KIZ: variants seen among roughly 807,000 people sequenced by gnomAD.
The protein encoded by KIZ is centrosomal protein kizuna.
Under a neutral mutation model 79.6 loss-of-function variants are expected in KIZ, and 68 were observed. The ratio of observed to expected loss-of-function variants is 0.85; its 90% confidence interval spans 0.70 to 1.05. The LOEUF (loss-of-function observed/expected upper bound fraction) is 1.05. Ranked by LOEUF, KIZ falls within the 50% of genes least tolerant of loss-of-function variation. The probability of loss-of-function intolerance (pLI) is 0.00; values close to 1 mark genes in which losing one functional copy is unlikely to be tolerated. For synonymous variants in KIZ, 280 were observed against 281.8 expected, an observed-to-expected ratio of 0.99 and a Z score of 0.06; for missense variants, 797 against 800.4, an observed-to-expected ratio of 1.00 and a Z score of 0.05.
chr20:21,218,007 C>T (rs2036364511), intron 9 of KIZ: 1 of 152,140 alleles, frequency 6.6e-6, no homozygotes, highest in Non-Finnish European at 1.5e-5. Flanking sequence ...TTGTGGTGGC[C>T]ACTTGGGACC....
At chr20:21,187,168 A>G (rs1213376822) in intron 6 of KIZ, among the ~76,000 whole-genome samples, 1 of 152,170 alleles carries the variant, frequency 6.6e-6, no homozygotes, top group Admixed American at 6.5e-5. Flanking sequence ...ATTCCCAACC[A>G]TTTCAGATAA....
intron 9 of KIZ, among the ~76,000 whole-genome samples, chr20:21,223,647 C>G (rs1243551327): frequency 6.6e-6 from 1 of 150,648 alleles, no homozygotes; most frequent in African/African-American, 2.4e-5. Context: ...GCAGCCATAT[C>G]CTATTTTCTC....
At chr20:21,140,971 A>G (rs1032251781) in intron 3 of KIZ, among the ~76,000 whole-genome samples, 2 of 152,106 alleles carry the variant, frequency 1.3e-5, no homozygotes, top group African/African-American at 4.8e-5. Context: ...GTGACACTGC[A>G]GTCTAGCCCT....
chr20:21,173,749 G>A (rs1600453107), intron 6 of KIZ, among the ~76,000 whole-genome samples: 2 of 152,116 alleles, frequency 1.3e-5, no homozygotes, highest in African/African-American at 4.8e-5. Context: ...AATCAAGACA[G>A]AAGTTTTGGG....
At chr20:21,214,894 T>G (rs2036224188) in intron 8 of KIZ, among the ~76,000 whole-genome samples, 194 bp downstream of exon 8, 2 of 152,220 alleles carry the variant, frequency 1.3e-5, no homozygotes, top group Admixed American at 1.3e-4. Flanking sequence ...ATGGGAAATC[T>G]AACTGTAAGT....
chr20:21,190,380 G>A (rs2035059473), intron 6 of KIZ, among the ~76,000 whole-genome samples: 1 of 152,224 alleles, frequency 6.6e-6, no homozygotes, highest in Non-Finnish European at 1.5e-5. Context: ...AAAAGGATTA[G>A]CGCTAGCCAA....
intron 10 of KIZ, among the ~76,000 whole-genome samples, chr20:21,229,749 A>G (rs2036776914): frequency 6.6e-6 from 1 of 151,470 alleles, no homozygotes; most frequent in African/African-American, 2.4e-5. Flanking sequence ...TAATTTTTGT[A>G]TTTTTTTGTA....
chr20:21,201,188 TAAC>T (rs1179375544), intron 6 of KIZ, among the ~76,000 whole-genome samples: 1 of 151,872 alleles, frequency 6.6e-6, no homozygotes, highest in Non-Finnish European at 1.5e-5. Flanking sequence ...CAAAAAAAAA[TAAC>T]AAAAAGTCAT....
chr20:21,141,817 ACACACACTCT>A (rs1238873442), intron 3 of KIZ, among the ~76,000 whole-genome samples: 110 of 139,552 alleles, frequency 7.9e-4, no homozygotes, highest in African/African-American at 2.8e-3. Flanking sequence ...ACACACACAC[ACACACACTCT>A]CTCTCTCTCT....
At chr20:21,245,056 A>G (rs1030053614) in intron 12 of KIZ, 2 of 152,294 alleles carry the variant, frequency 1.3e-5, no homozygotes, top group African/African-American at 2.4e-5. Context: ...ACTGTGGCAT[A>G]TCCCCTGCCC....
chr20:21,233,675 C>T (rs992826869), intron 11 of KIZ, among the ~76,000 whole-genome samples: 1 of 152,064 alleles, frequency 6.6e-6, no homozygotes, highest in African/African-American at 2.4e-5. Context: ...TCTAGTATAA[C>T]ATATAATGTT....
intron 6 of KIZ, among the ~76,000 whole-genome samples, chr20:21,202,021 G>C (rs4813417): frequency 2.0e-5 from 3 of 152,240 alleles, no homozygotes; most frequent in Non-Finnish European, 4.4e-5. Flanking sequence ...GTTTGACTTG[G>C]GCAAGTCAAT....
chr20:21,234,446 G>T (rs1214221870), intron 11 of KIZ, among the ~76,000 whole-genome samples: 1 of 151,846 alleles, frequency 6.6e-6, no homozygotes. Context: ...TCCAGAGTGC[G>T]TGGGTTTGGC....
chr20:21,193,710 A>G (rs1286607642), intron 6 of KIZ, among the ~76,000 whole-genome samples: 1 of 151,934 alleles, frequency 6.6e-6, no homozygotes, highest in Non-Finnish European at 1.5e-5. Flanking sequence ...TTGTAGGGAC[A>G]TGGATGAAAC....
chr20:21,232,867 A>G (rs1221565932), intron 11 of KIZ, 37 bp downstream of exon 11: 2 of 858,558 alleles, frequency 2.3e-6, no homozygotes, highest in South Asian at 1.4e-5. Flanking sequence ...AGCAGCAACA[A>G]GATGAGAAAT....
At position 21,131,937 on chromosome 20, in the gene KIZ, CAGA is replaced by C. The variant is rs2031873017; in HGVS notation, c.90-159_90-157del. 1.1e-5 allele frequency: 6 copies of C among 523,474 alleles called. No individual in the cohort carries two copies. The East Asian group carries it at 2.1e-4, about 18-fold the overall frequency. The allele number at this position is 523,474 out of a possible 1,614,324, so 32.4% of individuals were successfully genotyped here. On this transcript the variant is annotated intron_variant, in intron 1 of 12. Coordinates refer to ENST00000619189, the MANE Select transcript of KIZ (RefSeq NM_018474.6). ...GTCTGGCATTTTCTGCTTCTTAGACCAGAGAAGCATTTTCACAAAGGTGTGATT... is the reference window on the plus strand; with the variant it reads ...GTCTGGCATTTTCTGCTTCTTAGACCGAAGCATTTTCACAAAGGTGTGATT...
At chr20:21,226,645 T>C (rs2036665268) in intron 9 of KIZ, among the ~76,000 whole-genome samples, 1 of 152,242 alleles carries the variant, frequency 6.6e-6, no homozygotes, top group South Asian at 2.1e-4. Flanking sequence ...CCTGCCTCAG[T>C]GAGTGTCATT....
intron 11 of KIZ, among the ~76,000 whole-genome samples, chr20:21,238,336 A>T (rs62217866): frequency 0.018 from 677 of 37,644 alleles, 1 homozygote; most frequent in South Asian, 0.045. Context: ...TAAGGGTGTG[A>T]GAGAGAGAGA....
intron 7 of KIZ, among the ~76,000 whole-genome samples, chr20:21,210,276 C>G (rs765600398): frequency 6.6e-5 from 10 of 152,130 alleles, no homozygotes; most frequent in Middle Eastern, 3.4e-3. Flanking sequence ...CCACTGCACT[C>G]CAGCCTGGGT....
Sources: allele counts gnomAD v4.1 joint callset (sites outside exome capture counted in the v4.1 genomes callset), GRCh38; gene constraint gnomAD v4.1.1; transcripts MANE v1.5; gene names NCBI Gene and HGNC (gene_info 2026-07-23, HGNC 2026-07-21).